NUBPL: variants seen among roughly 807,000 people sequenced by gnomAD.
NUBPL encodes iron-sulfur cluster transfer protein NUBPL.
Under a neutral mutation model 45.7 loss-of-function variants are expected in NUBPL, and 31 were observed. The ratio of observed to expected loss-of-function variants is 0.68; its 90% CI spans 0.51 to 0.92. NUBPL has a LOEUF of 0.92. Ranked by LOEUF, NUBPL falls within the 40% of genes least tolerant of loss-of-function variation. The probability of loss-of-function intolerance (pLI) is 0.00; values close to 1 mark genes in which losing one functional copy is unlikely to be tolerated. For synonymous variants in NUBPL, 144 were observed against 140.9 expected, an observed-to-expected ratio of 1.02 and a Z score of -0.15; for missense variants, 401 against 398.7, an observed-to-expected ratio of 1.01 and a Z score of -0.05.
At chr14:31,780,085 C>T (rs75339473) in intron 6 of NUBPL, among the ~76,000 whole-genome samples, 7,873 of 150,746 alleles carry the variant, frequency 0.052, 262 homozygotes, top group African/African-American at 0.082. Context: ...TTCCCTGAGA[C>T]GGGGTCTTGC....
intron 6 of NUBPL, among the ~76,000 whole-genome samples, chr14:31,757,414 C>T (rs888825156): frequency 5.3e-5 from 8 of 151,634 alleles, no homozygotes; most frequent in African/African-American, 1.7e-4. Context: ...TCAACTTCTT[C>T]CTGGTTTAGT....
chr14:31,631,929 T>C, intron 4 of NUBPL, among the ~76,000 whole-genome samples: 1 of 152,120 alleles, frequency 6.6e-6, no homozygotes, highest in East Asian at 1.9e-4. Context: ...GGGTATACGG[T>C]GGCCCAAAGT....
rs34255943 is a variant in NUBPL, at chr14:31,834,178, C to CTTTTTT, written c.693+7480_693+7485dup. On this transcript the variant is annotated intron_variant, in intron 8 of 10. Transcript: ENST00000281081. ...GAGACAAGCCTACTGTGGCCTGGAA[C>CTTTTTT]TTTTTTTTTTTTTTTTTTTTTGAGA... Among the ~76,000 whole-genome samples the CTTTTTT allele has an allele frequency of 8.3e-4, 89 of 107,010 alleles. 4 individuals carry two copies. Among genetic ancestry groups the CTTTTTT allele is most frequent in the African/African-American group, 1.4e-3 (37 of 26,750 alleles). 70.2% of individuals were successfully genotyped at this position (107,010 alleles called of 152,430 possible).
At chr14:31,777,829 C>T (rs1217140298) in intron 6 of NUBPL, among the ~76,000 whole-genome samples, 1 of 152,168 alleles carries the variant, frequency 6.6e-6, no homozygotes, top group African/African-American at 2.4e-5. Context: ...AGGTGTTAAT[C>T]TAAAGCAGTG....
chr14:31,604,412 A>G (rs756930386), intron 4 of NUBPL, among the ~76,000 whole-genome samples: 1 of 152,170 alleles, frequency 6.6e-6, no homozygotes, highest in Non-Finnish European at 1.5e-5. Flanking sequence ...AGAAAACACA[A>G]TACAATACAA....
chr14:31,638,066 T>C (rs1348914060), intron 4 of NUBPL, among the ~76,000 whole-genome samples: 1 of 152,208 alleles, frequency 6.6e-6, no homozygotes, highest in Admixed American at 6.5e-5. Context: ...TGTCTTTTAA[T>C]TGGAGCATTT....
At chr14:31,781,265 T>A (rs1341308773) in intron 6 of NUBPL, among the ~76,000 whole-genome samples, 2 of 152,202 alleles carry the variant, frequency 1.3e-5, no homozygotes, top group Admixed American at 6.5e-5. Flanking sequence ...CTTTTAAACC[T>A]CAGTCTTCCT....
At chr14:31,564,529 A>AAG (rs2033384701) in intron 2 of NUBPL, among the ~76,000 whole-genome samples, 1 of 134,226 alleles carries the variant, frequency 7.5e-6, no homozygotes, top group East Asian at 2.1e-4. Context: ...AAAAAAAAAA[A>AAG]TGAGCTGGGT....
At chr14:31,811,753 GT>G (rs1352877298) in intron 7 of NUBPL, among the ~76,000 whole-genome samples, 2 of 152,096 alleles carry the variant, frequency 1.3e-5, no homozygotes, top group Non-Finnish European at 2.9e-5. Flanking sequence ...CATCTTTGTG[GT>G]TTTATCTACC....
intron 6 of NUBPL, among the ~76,000 whole-genome samples, chr14:31,717,425 C>CT (rs1447641119): frequency 6.6e-6 from 1 of 152,156 alleles, no homozygotes; most frequent in Non-Finnish European, 1.5e-5. Context: ...GTCTCAGGGC[C>CT]TTTATACATG....
At chr14:31,790,421 CT>C (rs986881986) in intron 7 of NUBPL, among the ~76,000 whole-genome samples, 52 of 151,998 alleles carry the variant, frequency 3.4e-4, no homozygotes, top group African/African-American at 1.2e-3. Context: ...AAGACATAGT[CT>C]TTTTTTTGTT....
chr14:31,658,306 G>A (rs566275229), intron 4 of NUBPL, among the ~76,000 whole-genome samples: 1 of 152,248 alleles, frequency 6.6e-6, no homozygotes, highest in South Asian at 2.1e-4. Context: ...TAATGTTTCT[G>A]TTGCTAGCTT....
chr14:31,853,684 T>TA (rs1163813356), intron 10 of NUBPL, among the ~76,000 whole-genome samples: 1 of 152,122 alleles, frequency 6.6e-6, no homozygotes, highest in African/African-American at 2.4e-5. Context: ...TAGTACCAAT[T>TA]AAAAAGTACT....
At chr14:31,675,926 G>T (rs2036684540) in intron 6 of NUBPL, among the ~76,000 whole-genome samples, 2 of 151,954 alleles carry the variant, frequency 1.3e-5, no homozygotes, top group East Asian at 1.9e-4. Flanking sequence ...GTCCCCTTCT[G>T]TTTCATCCCA....
intron 7 of NUBPL, among the ~76,000 whole-genome samples, chr14:31,798,306 T>A (rs1032070860): frequency 2.9e-4 from 43 of 147,524 alleles, no homozygotes; most frequent in African/African-American, 1.0e-3. Context: ...ATTTATGGTT[T>A]TTTTTTTTTT....
chr14:31,584,783 G>A (rs1265073642), intron 3 of NUBPL, among the ~76,000 whole-genome samples: 1 of 152,192 alleles, frequency 6.6e-6, no homozygotes, highest in Non-Finnish European at 1.5e-5. Context: ...TGGAGGCTGG[G>A]AAGTCCAGGA....
chr14:31,822,674 A>G (rs965436680), intron 7 of NUBPL, among the ~76,000 whole-genome samples: 8 of 152,146 alleles, frequency 5.3e-5, no homozygotes, highest in East Asian at 1.9e-4. Context: ...TCAGCAAAAT[A>G]CCCCATATAT....
At chr14:31,749,298 A>C (rs1406977895) in intron 6 of NUBPL, among the ~76,000 whole-genome samples, 2 of 151,920 alleles carry the variant, frequency 1.3e-5, no homozygotes, top group Non-Finnish European at 2.9e-5. Context: ...GTTCTACCTG[A>C]ATTTTATACT....
In NUBPL at chr14:31,699,526, C is replaced by T. The variant is rs540885235; in HGVS notation, c.513+25952C>T. Among the ~76,000 whole-genome samples, 11 of 152,302 alleles carry T rather than the reference C, an allele frequency of 7.2e-5. No individual in the cohort carries two copies. In the South Asian group the frequency reaches 1.9e-3, roughly 26 times the overall value. ...ACTTGGGCAGGGTCCTACTTGTAAT[C>T]TCTCTGATTCTCTTGGCTCAGCTTT... On this transcript the variant is annotated intron_variant, in intron 6 of 10. Coordinates refer to ENST00000281081, the MANE Select transcript of NUBPL (RefSeq NM_025152.3).
Sources: allele counts gnomAD v4.1 joint callset (sites outside exome capture counted in the v4.1 genomes callset), GRCh38; gene constraint gnomAD v4.1.1; transcripts MANE v1.5; gene names NCBI Gene and HGNC (gene_info 2026-07-23, HGNC 2026-07-21).